RLN2: variants seen among roughly 807,000 people sequenced by gnomAD.
RLN2 encodes relaxin 2.
RLN2 carries 10 observed loss-of-function variants against 7.3 expected under a neutral mutation model. The ratio of observed to expected loss-of-function variants is 1.36; its 90% CI spans 0.84 to 2.31. RLN2 has a LOEUF of 2.31. Ranked by LOEUF, RLN2 falls within the 30% of genes most tolerant of loss-of-function variation. RLN2 has a pLI of 0.00. For synonymous variants in RLN2, 103 were observed against 82.3 expected (o/e 1.25, Z -1.36); for missense variants, 298 against 217.6 (o/e 1.37, Z -2.32).
chr9:5,309,609 C>T (rs541994387), upstream of RLN2, among the ~76,000 whole-genome samples: 65 of 152,174 alleles, frequency 4.3e-4, 1 homozygote, highest in South Asian at 9.6e-3. Context: ...GCAGATCAAG[C>T]ATCAACTACA....
the RLN2 span, among the ~76,000 whole-genome samples, chr9:5,336,610 ACT>A: frequency 6.6e-6 from 1 of 152,016 alleles, no homozygotes. Flanking sequence ...AGTGAGCTAA[ACT>A]CTCTCCTAAC....
the RLN2 span, among the ~76,000 whole-genome samples, chr9:5,327,918 T>C: frequency 1.4e-4 from 22 of 151,808 alleles, no homozygotes; most frequent in African/African-American, 5.3e-4. Context: ...GTCACCAACA[T>C]CAAAGACCAA....
the RLN2 span, among the ~76,000 whole-genome samples, chr9:5,319,772 C>G: frequency 2.0e-5 from 3 of 151,948 alleles, no homozygotes; most frequent in African/African-American, 7.3e-5. Context: ...TTCTGACCAT[C>G]TCTCTGTGTA....
chr9:5,307,080 T>C (rs898546117), upstream of RLN2, among the ~76,000 whole-genome samples: 1 of 152,010 alleles, frequency 6.6e-6, no homozygotes, highest in Non-Finnish European at 1.5e-5. Context: ...GAGGAAGGTC[T>C]ATATGCTTAG....
At chr9:5,328,176 C>A in the RLN2 span, among the ~76,000 whole-genome samples, 1 of 151,910 alleles carries the variant, frequency 6.6e-6, no homozygotes, top group African/African-American at 2.4e-5. Flanking sequence ...AAAAGTTAGA[C>A]GAATGGCTAA....
At chr9:5,306,881 A>T (rs190669850), upstream of RLN2, among the ~76,000 whole-genome samples, 8 of 152,100 alleles carry the variant, frequency 5.3e-5, no homozygotes, top group African/African-American at 1.9e-4. Context: ...AGTGTCTCTT[A>T]CAAGTAGCAG....
chr9:5,319,914 T>G, the RLN2 span, among the ~76,000 whole-genome samples: 1 of 151,860 alleles, frequency 6.6e-6, no homozygotes, highest in Admixed American at 6.6e-5. Context: ...TTTAAAGATG[T>G]TCTTAAACTT....
chr9:5,323,221 C>A, the RLN2 span, among the ~76,000 whole-genome samples: 4 of 151,938 alleles, frequency 2.6e-5, no homozygotes, highest in African/African-American at 7.3e-5. Flanking sequence ...AGTCATCTGG[C>A]TGCTTCCTGG....
chr9:5,301,127 G>C (rs1329981568), intron 1 of RLN2, among the ~76,000 whole-genome samples: 1 of 152,236 alleles, frequency 6.6e-6, no homozygotes, highest in Non-Finnish European at 1.5e-5. Flanking sequence ...TTTAAGAAGA[G>C]ATTTGTATCT....
chr9:5,332,869 G>A, the RLN2 span, among the ~76,000 whole-genome samples: 5 of 151,718 alleles, frequency 3.3e-5, no homozygotes, highest in South Asian at 4.2e-4. Flanking sequence ...CACCTGCCTC[G>A]GCCTCCCAAA....
chr9:5,322,260 CA>C, the RLN2 span, among the ~76,000 whole-genome samples: 5 of 152,142 alleles, frequency 3.3e-5, 1 homozygote, highest in South Asian at 6.2e-4. Context: ...GGAGAAACAT[CA>C]GGGGTGAGTT....
At chr9:5,310,920 T>C in the RLN2 span, among the ~76,000 whole-genome samples, 4 of 152,042 alleles carry the variant, frequency 2.6e-5, no homozygotes, top group Non-Finnish European at 5.9e-5. Flanking sequence ...AAAATAAAAA[T>C]TTTTGTTTTA....
chr9:5,331,501 G>A, the RLN2 span, among the ~76,000 whole-genome samples: 4 of 152,032 alleles, frequency 2.6e-5, no homozygotes, highest in African/African-American at 9.7e-5. Flanking sequence ...AAAAGGATGA[G>A]TTCATGTCCT....
chr9:5,326,015 T>A, the RLN2 span, among the ~76,000 whole-genome samples: 1 of 152,036 alleles, frequency 6.6e-6, no homozygotes, highest in Non-Finnish European at 1.5e-5. Flanking sequence ...ATTACCACAG[T>A]TATAATGAAG....
At chr9:5,305,508 G>A (rs1586933602), upstream of RLN2, among the ~76,000 whole-genome samples, 1 of 151,722 alleles carries the variant, frequency 6.6e-6, no homozygotes, top group African/African-American at 2.4e-5. Context: ...ATGTTTGTTT[G>A]TTTACTGTAT....
chr9:5,306,751 C>G (rs1009919050), upstream of RLN2, among the ~76,000 whole-genome samples: 1 of 152,018 alleles, frequency 6.6e-6, no homozygotes, highest in Non-Finnish European at 1.5e-5. Flanking sequence ...TTCCCTATAT[C>G]CTAGATCCAG....
At chr9:5,325,559 A>C in the RLN2 span, among the ~76,000 whole-genome samples, 1 of 152,102 alleles carries the variant, frequency 6.6e-6, no homozygotes. Flanking sequence ...GAAAGATTAG[A>C]AATGACTACA....
chr9:5,300,168 A>T lies in RLN2; in HGVS notation c.488T>A (p.Leu163His). 5.6e-6 allele frequency: 9 copies of T among 1,613,622 alleles called. No homozygotes were observed. Among genetic ancestry groups the T allele is most frequent in the Non-Finnish European group, 7.6e-6 (9 of 1,179,846 alleles). The change falls in exon 2 of 2, where the codon CTC becomes CAC. Residue 163 changes from leucine to histidine, a missense_variant. Transcript: ENST00000381627. The stretch of plus-strand genomic sequence containing the variant: ...ACATTTATTAGCCAATGCACTGTAG[A>T]GTTGTCTCTTTTTTCGAGAATGAGT... ...LDTHSRKKRQ[L>H]YSALANKCCH...
At chr9:5,318,007 C>CGTGTGTGTGT in the RLN2 span, among the ~76,000 whole-genome samples, 2,324 of 147,980 alleles carry the variant, frequency 0.016, 74 homozygotes, top group African/African-American at 0.045. Context: ...TGTGTGTGTG[C>CGTGTGTGTGT]GTGTGTGTGT....
Sources: gnomAD v4.1 joint callset for allele counts (sites outside exome capture counted in the v4.1 genomes callset) on GRCh38, gnomAD v4.1.1 for gene constraint, MANE v1.5 for transcripts, NCBI Gene and HGNC (gene_info 2026-07-23, HGNC 2026-07-21) for gene names.